Variants in BBS9 observed in about 807,000 individuals in gnomAD.
BBS9 encodes the protein Bardet-Biedl syndrome 9.
A neutral mutation model predicts 117.7 loss-of-function variants in BBS9; 89 were observed. The observed-to-expected ratio is 0.76, with a 90% CI of 0.64 to 0.90. The LOEUF is 0.90. Ranked by LOEUF, BBS9 falls within the 40% of genes least tolerant of loss-of-function variation. BBS9 has a pLI of 0.00. For missense variants in BBS9, 982 were observed against 1,042.2 expected (o/e 0.94, Z 0.80); for synonymous variants, 379 against 370.9 (o/e 1.02, Z -0.25).
At chr7:33,298,537 T>A (rs546352264) in intron 9 of BBS9, among the ~76,000 whole-genome samples, 1 of 152,298 alleles carries the variant, frequency 6.6e-6, no homozygotes, top group Middle Eastern at 3.4e-3. Flanking sequence ...TTGAATTAAA[T>A]CCCTTTAAGA....
At chr7:33,485,154 G>A (rs756092894) in intron 19 of BBS9, among the ~76,000 whole-genome samples, 48 of 152,120 alleles carry the variant, frequency 3.2e-4, no homozygotes, top group Non-Finnish European at 5.7e-4. Flanking sequence ...TGGGGATAGC[G>A]GAGGGAGAGA....
At chr7:33,368,447 G>A (rs1049622311) in intron 17 of BBS9, among the ~76,000 whole-genome samples, 5 of 152,090 alleles carry the variant, frequency 3.3e-5, no homozygotes, top group Non-Finnish European at 1.5e-5. Flanking sequence ...ACTAGTCAAT[G>A]TAAAACTAGC....
At chr7:33,221,905 A>G (rs1420962030) in intron 5 of BBS9, among the ~76,000 whole-genome samples, 3 of 147,634 alleles carry the variant, frequency 2.0e-5, no homozygotes, top group Admixed American at 1.4e-4. Flanking sequence ...TCATATATAT[A>G]TATACACACA....
At chr7:33,590,467 T>G (rs200040321) in intron 21 of BBS9, among the ~76,000 whole-genome samples, 2,374 of 78,936 alleles carry the variant, frequency 0.03, 32 homozygotes, top group Non-Finnish European at 0.04. Flanking sequence ...TTGTTTTTTT[T>G]TTTTTTTTTT....
Position 33,177,605 on chromosome 7 carries a change from A to T in BBS9, c.442+14A>T. On this transcript the variant is annotated intron_variant, in intron 5 of 22. Coordinates refer to ENST00000242067, the MANE Select transcript of BBS9 (RefSeq NM_198428.3). ...GTGGTGTAAAAGGTAATTTGCTTTT[A>T]ATCATGAGTATGCTATTTCAAGTGA... is the stretch of plus-strand genomic sequence containing the variant. The T allele has an allele frequency of 5.3e-6, 8 of 1,505,770 alleles. No homozygotes were observed. Among genetic ancestry groups the T allele is most frequent in the Non-Finnish European group, 7.4e-6 (8 of 1,081,558 alleles). 93.3% of individuals were successfully genotyped at this position (1,505,770 alleles called of 1,614,324 possible). A position where few individuals can be genotyped will look rare whatever the true frequency, so the allele number is the denominator to read the frequency against.
intron 19 of BBS9, among the ~76,000 whole-genome samples, chr7:33,410,762 G>T (rs1830975393): frequency 6.6e-6 from 1 of 151,986 alleles, no homozygotes; most frequent in African/African-American, 2.4e-5. Flanking sequence ...TTTTTGATCT[G>T]TCCCTTGCTC....
intron 19 of BBS9, among the ~76,000 whole-genome samples, chr7:33,420,673 A>G (rs1832725502): frequency 6.6e-6 from 1 of 152,148 alleles, no homozygotes; most frequent in Non-Finnish European, 1.5e-5. Flanking sequence ...TGGAAAAGAA[A>G]TGTTCCATGG....
intron 19 of BBS9, among the ~76,000 whole-genome samples, chr7:33,434,071 C>T (rs1584811189): frequency 6.6e-6 from 1 of 151,630 alleles, no homozygotes; most frequent in Non-Finnish European, 1.5e-5. Flanking sequence ...TTCAACCATT[C>T]TTAATTTTCA....
chr7:33,132,709 G>T (rs1789819888), intron 1 of BBS9, among the ~76,000 whole-genome samples: 1 of 151,968 alleles, frequency 6.6e-6, no homozygotes. Context: ...TTCCTAACCT[G>T]TCAGTACCAG....
chr7:33,152,353 G>A (rs987512498), intron 2 of BBS9, among the ~76,000 whole-genome samples: 21 of 151,930 alleles, frequency 1.4e-4, no homozygotes, highest in African/African-American at 4.4e-4. Context: ...TTATAGAGTT[G>A]GCCTCTATGA....
intron 21 of BBS9, among the ~76,000 whole-genome samples, chr7:33,591,595 C>T (rs1861930369): frequency 6.6e-6 from 1 of 152,056 alleles, no homozygotes; most frequent in African/African-American, 2.4e-5. Context: ...TCCTTCAAGG[C>T]ATACATTTAA....
chr7:33,539,876 G>A (rs560972446), intron 21 of BBS9, among the ~76,000 whole-genome samples: 2 of 152,324 alleles, frequency 1.3e-5, no homozygotes, highest in East Asian at 1.9e-4. Flanking sequence ...TGTTGTATTT[G>A]CAGTAATTTC....
intron 9 of BBS9, among the ~76,000 whole-genome samples, chr7:33,311,465 C>G (rs914947950): frequency 3.9e-5 from 6 of 152,182 alleles, no homozygotes; most frequent in African/African-American, 7.2e-5. Context: ...TCTGTCCTAG[C>G]TAGACCCATT....
intron 4 of BBS9, among the ~76,000 whole-genome samples, chr7:33,162,518 T>C (rs1286930098): frequency 6.8e-6 from 1 of 147,168 alleles, no homozygotes; most frequent in Non-Finnish European, 1.5e-5. Context: ...GAGCAGTGGT[T>C]TGTAGTTCTC....
chr7:33,612,657 G>C (rs1430669844), intron 21 of BBS9, among the ~76,000 whole-genome samples: 1 of 151,912 alleles, frequency 6.6e-6, no homozygotes, highest in Non-Finnish European at 1.5e-5. Flanking sequence ...ATCTTCTATT[G>C]TGTAGTCTAT....
At chr7:33,616,945 G>C (rs955862112) in intron 21 of BBS9, among the ~76,000 whole-genome samples, 2 of 151,886 alleles carry the variant, frequency 1.3e-5, no homozygotes, top group Admixed American at 6.6e-5. Context: ...TTGTTTATAA[G>C]TGAGAGCATG....
At chr7:33,404,786 G>A (rs946610632) in intron 19 of BBS9, among the ~76,000 whole-genome samples, 2 of 152,076 alleles carry the variant, frequency 1.3e-5, no homozygotes, top group African/African-American at 4.8e-5. Flanking sequence ...CATGTCGTCT[G>A]CAAACAGGGA....
intron 8 of BBS9, 73 bp from the exon 9 acceptor site, chr7:33,273,754 A>G (rs886305751): frequency 1.9e-5 from 27 of 1,428,254 alleles, no homozygotes; most frequent in African/African-American, 1.4e-4. Context: ...TGTGCTATCA[A>G]TTTCCTAAAA....
intron 5 of BBS9, among the ~76,000 whole-genome samples, chr7:33,256,517 T>C (rs1797108799): frequency 6.6e-6 from 1 of 152,164 alleles, no homozygotes; most frequent in South Asian, 2.1e-4. Flanking sequence ...TTTGGTGATA[T>C]GTTTTCTTTT....
Sources: gnomAD v4.1 joint callset for allele counts (sites outside exome capture counted in the v4.1 genomes callset) on GRCh38, gnomAD v4.1.1 for gene constraint, MANE v1.5 for transcripts, NCBI Gene and HGNC (gene_info 2026-07-23, HGNC 2026-07-21) for gene names.